ARMC2: variants seen among roughly 807,000 people sequenced by gnomAD.
The protein encoded by ARMC2 is armadillo repeat containing 2.
In ARMC2, 67 loss-of-function variants were observed where a neutral mutation model predicts 90.3. The observed-to-expected ratio is 0.74, with a 90% confidence interval of 0.61 to 0.91. The LOEUF (loss-of-function observed/expected upper bound fraction) is 0.91. Ranked by LOEUF, ARMC2 falls within the 40% of genes least tolerant of loss-of-function variation. ARMC2 has a pLI of 0.00. For missense variants in ARMC2, 920 were observed against 1,030.9 expected (o/e 0.89, Z 1.47); for synonymous variants, 393 against 393.0 (o/e 1.00, Z 0.00).
rs116160286 is a variant in ARMC2, at chr6:108,940,675, G to A, written c.1596+3676G>A. Among the ~76,000 whole-genome samples the A allele has an allele frequency of 9.5e-3, 1,452 of 152,230 alleles. 35 individuals carry two copies. Among genetic ancestry groups the A allele is most frequent in the African/African-American group, 0.034 (1,402 of 41,534 alleles). The stretch of plus-strand genomic sequence containing the variant: ...TTGGCACAGCTGGCAGCATTCACCC[G>A]TGGAAGCTTCTAGCTTGCCTTTCTA... On this transcript the variant is annotated intron_variant, in intron 12 of 17. Transcript: ENST00000392644.
the ARMC2 span, chr6:109,001,415 A>C: frequency 3.1e-6 from 5 of 1,613,798 alleles, no homozygotes; most frequent in African/African-American, 1.3e-5. Context: ...AATGTTATCC[A>C]AACGGCCCAA....
chr6:108,854,906 C>T (rs1456061344), intron 2 of ARMC2, among the ~76,000 whole-genome samples: 2 of 152,222 alleles, frequency 1.3e-5, no homozygotes, highest in Non-Finnish European at 2.9e-5. Flanking sequence ...ACTTCCTTCC[C>T]TCATCCCCTA....
At chr6:109,023,290 C>T in the ARMC2 span, among the ~76,000 whole-genome samples, 1 of 152,212 alleles carries the variant, frequency 6.6e-6, no homozygotes, top group Non-Finnish European at 1.5e-5. Context: ...CTCAGAGTTT[C>T]ATTAAGGACA....
the ARMC2 span, among the ~76,000 whole-genome samples, chr6:109,024,826 T>C: frequency 7.5e-4 from 115 of 152,336 alleles, no homozygotes; most frequent in Non-Finnish European, 1.3e-3. Flanking sequence ...CCACAGCATT[T>C]TTCTACTGAA....
chr6:108,998,367 A>T, the ARMC2 span: 7 of 865,506 alleles, frequency 8.1e-6, no homozygotes, highest in Non-Finnish European at 1.2e-5. Context: ...GCAGTCAATA[A>T]AACCCTACTG....
At chr6:108,890,228 A>AC in intron 5 of ARMC2, among the ~76,000 whole-genome samples, 1 of 128,648 alleles carries the variant, frequency 7.8e-6, no homozygotes, top group East Asian at 2.2e-4. Flanking sequence ...AAAAAAAAAA[A>AC]ACAGTGGTTT....
chr6:108,908,487 T>A (rs1202091807), intron 8 of ARMC2, among the ~76,000 whole-genome samples: 2 of 152,180 alleles, frequency 1.3e-5, no homozygotes, highest in Non-Finnish European at 2.9e-5. Context: ...ATTATTTTTT[T>A]AAAGTAACTG....
intron 6 of ARMC2, among the ~76,000 whole-genome samples, chr6:108,898,304 C>G (rs1771799438): frequency 6.6e-6 from 1 of 152,214 alleles, no homozygotes; most frequent in African/African-American, 2.4e-5. Flanking sequence ...CTTCCAACCT[C>G]TCACCTTCCG....
chr6:108,874,395 GTGAA>G (rs1776736625), intron 4 of ARMC2, among the ~76,000 whole-genome samples: 1 of 152,188 alleles, frequency 6.6e-6, no homozygotes, highest in African/African-American at 2.4e-5. Context: ...TATTCAGGGA[GTGAA>G]TGAATGAGAG....
rs1562407494 is a variant in ARMC2, at chr6:108,936,988, CAGA to C, written c.1591_1593del (p.Lys531del). ...ATTTCTGAATCTAATTAACAAATAC[CAGA>C]AGAAGCAGGTCAGTTCTTCATTCAT... On this transcript the variant is annotated inframe_deletion, in exon 12 of 18. Transcript: ENST00000392644. 6.3e-7 allele frequency: 1 copy of C among 1,590,608 alleles called. No homozygotes were observed. The highest frequency in any genetic ancestry group is 1.1e-5 in the South Asian group (1 of 87,560).
At chr6:108,925,930 T>G (rs957484240) in intron 10 of ARMC2, among the ~76,000 whole-genome samples, 2 of 152,286 alleles carry the variant, frequency 1.3e-5, no homozygotes, top group East Asian at 3.9e-4. Flanking sequence ...CTTGGGTTAT[T>G]TATGAAAGTT....
the ARMC2 span, among the ~76,000 whole-genome samples, chr6:109,040,378 G>C: frequency 1.3e-5 from 2 of 152,138 alleles, no homozygotes; most frequent in Non-Finnish European, 2.9e-5. Context: ...GTTGAAGAAG[G>C]ATTAAAAGGT....
chr6:109,047,021 C>A, the ARMC2 span, among the ~76,000 whole-genome samples: 1 of 30,838 alleles, frequency 3.2e-5, no homozygotes, highest in Admixed American at 3.5e-4. Flanking sequence ...CCCGGCCAGC[C>A]GCCCCATCCG....
the ARMC2 span, among the ~76,000 whole-genome samples, chr6:109,018,643 A>C: frequency 6.6e-6 from 1 of 152,214 alleles, no homozygotes; most frequent in South Asian, 2.1e-4. Flanking sequence ...TTATTGTTTT[A>C]ACTTTTATGT....
intron 10 of ARMC2, among the ~76,000 whole-genome samples, chr6:108,914,761 A>G (rs1451150871): frequency 1.3e-5 from 2 of 152,148 alleles, no homozygotes; most frequent in Admixed American, 6.5e-5. Flanking sequence ...GTATCATACA[A>G]ATGATAAAAT....
chr6:108,861,203 C>G (rs892802694), intron 3 of ARMC2, among the ~76,000 whole-genome samples: 1 of 152,198 alleles, frequency 6.6e-6, no homozygotes, highest in African/African-American at 2.4e-5. Context: ...TACCAGTTCC[C>G]TAGGCTTTAT....
chr6:109,032,891 G>A, the ARMC2 span, among the ~76,000 whole-genome samples: 1 of 152,062 alleles, frequency 6.6e-6, no homozygotes, highest in Non-Finnish European at 1.5e-5. Flanking sequence ...TGCTAAAAGG[G>A]AAGAATTCAA....
intron 12 of ARMC2, among the ~76,000 whole-genome samples, chr6:108,949,611 GT>G (rs1241514537): frequency 6.6e-6 from 1 of 152,188 alleles, no homozygotes. Flanking sequence ...AATACCCTCT[GT>G]CCTGGTTGGA....
chr6:108,924,586 A>T (rs992589935), intron 10 of ARMC2, among the ~76,000 whole-genome samples: 1 of 152,106 alleles, frequency 6.6e-6, no homozygotes, highest in Non-Finnish European at 1.5e-5. Context: ...CGCCTATTCA[A>T]AGGCATGGCG....
Sources: allele counts gnomAD v4.1 joint callset (sites outside exome capture counted in the v4.1 genomes callset), GRCh38; gene constraint gnomAD v4.1.1; transcripts MANE v1.5; gene names NCBI Gene and HGNC (gene_info 2026-07-23, HGNC 2026-07-21).